The following PTRH1 variants were observed in gnomAD, a reference collection of about 807,000 sequenced individuals.
PTRH1 encodes the protein peptidyl-tRNA hydrolase 1 homolog, also known as peptidyl-tRNA hydrolase.
In PTRH1, 13 loss-of-function variants were observed where a neutral mutation model predicts 15.7. The ratio of observed to expected loss-of-function variants is 0.83; its 90% CI spans 0.54 to 1.31. The LOEUF (loss-of-function observed/expected upper bound fraction) is 1.31, where lower values mean the gene tolerates loss of function less well. Ranked by LOEUF, PTRH1 falls within the 40% of genes most tolerant of loss-of-function variation. The pLI is 0.00. For missense variants in PTRH1, 319 were observed against 296.2 expected, an observed-to-expected ratio of 1.08 and a Z score of -0.56; for synonymous variants, 139 against 136.7, an observed-to-expected ratio of 1.02 and a Z score of -0.12.
rs1355028003 is a variant in PTRH1 at position 127,715,235 on chromosome 9, G to A, written c.97-41C>T. On this transcript the variant is annotated intron_variant, in intron 1 of 4. Coordinates refer to ENST00000543175, the MANE Select transcript of PTRH1 (RefSeq NM_001002913.3). The surrounding 1 kb of genome is among the most constrained non-coding windows in gnomAD (Gnocchi z 5.8). ...GGGAAACTGAGGCCCAACAACTCTC[G>A]CCACCCCCGATCTCACAGCGTCCCG... 2 of 1,515,024 alleles carry A rather than the reference G, an allele frequency of 1.3e-6. No individual in the cohort carries two copies. Among genetic ancestry groups the A allele is most frequent in the Non-Finnish European group, 1.8e-6 (2 of 1,128,982 alleles). 93.8% of individuals were successfully genotyped at this position (1,515,024 alleles called of 1,614,324 possible). A position where few individuals can be genotyped will look rare whatever the true frequency, so the allele number is the denominator to read the frequency against.
chr9:127,715,307 G>T lies in PTRH1; in HGVS notation c.97-113C>A. 1.5e-6 allele frequency: 2 copies of T among 1,336,316 alleles called. No individual in the cohort carries two copies. The highest frequency in any genetic ancestry group is 2.5e-5 in the East Asian group (1 of 40,002). The allele number at this position is 1,336,316 out of a possible 1,614,324, so 82.8% of individuals were successfully genotyped here. On this transcript the variant is annotated intron_variant, in intron 1 of 4. Transcript: ENST00000543175. This position sits in a 1 kb window ranked among gnomAD's most constrained non-coding sequence, Gnocchi z 5.8. ...GGAAACGCAGAGCAACGCTGCAGTG[G>T]GGAAGGGGCGCGAAGAAGGGGCCCA...
chr9:127,697,664 CAAAAACA>C (rs1842572343), intron 1 of PTRH1, among the ~76,000 whole-genome samples: 1 of 152,022 alleles, frequency 6.6e-6, no homozygotes, highest in African/African-American at 2.4e-5. Flanking sequence ...CTGTCTCAAA[CAAAAACA>C]AAAAACAGCA....
chr9:127,714,247 C>T lies in PTRH1; in HGVS notation c.498G>A (p.Pro166=), dbSNP rs779880867. Residue 166 remains proline (P), a synonymous_variant, in exon 5 of 5, where the codon CCG becomes CCA. Transcript: ENST00000543175. ...MPRLRVGIGR[P]AHPEAVQAHV... is the part of the protein sequence containing the mutation. ...GGGCCTGAACCGCCTCAGGGTGCGC[C>T]GGGCGCCCGATACCCACCCGCAGCC... 33 of 1,613,942 alleles carry T rather than the reference C, an allele frequency of 2.0e-5. No homozygotes were observed. The South Asian group carries it at 3.2e-4, about 16-fold the overall frequency.
downstream of PTRH1, chr9:127,713,776 G>A: frequency 6.9e-7 from 1 of 1,455,112 alleles, no homozygotes; most frequent in Non-Finnish European, 9.6e-7. Flanking sequence ...CAAAGTGCTG[G>A]GATTATAGGT....
At chr9:127,713,755 CCT>C, downstream of PTRH1, 2 of 1,208,842 alleles carry the variant, frequency 1.7e-6, no homozygotes. Context: ...AATCCCCCAG[CCT>C]CGGCCTCCCA....
At chr9:127,706,183 C>A (rs1385179984) in intron 1 of PTRH1, among the ~76,000 whole-genome samples, 1 of 152,208 alleles carries the variant, frequency 6.6e-6, no homozygotes, top group Admixed American at 6.5e-5. Context: ...CCACTTTTGA[C>A]CAACCAATCA....
chr9:127,702,444 G>A (rs1157870242), intron 1 of PTRH1, among the ~76,000 whole-genome samples: 1 of 151,974 alleles, frequency 6.6e-6, no homozygotes, highest in Non-Finnish European at 1.5e-5. Flanking sequence ...AGGTGGGAGT[G>A]GGGAATCACT....
downstream of PTRH1, chr9:127,709,363 C>T: frequency 6.4e-7 from 1 of 1,563,316 alleles, no homozygotes; most frequent in South Asian, 1.2e-5. The surrounding 1 kb of genome is among the most constrained non-coding windows in gnomAD (Gnocchi z 4.7). Context: ...GGCCCAGCTG[C>T]ACCAGAGGCC....
At position 127,714,179 on chromosome 9, in the gene PTRH1, G is replaced by C; in HGVS notation, c.566C>G (p.Pro189Arg). The change falls in exon 5 of 5, where the codon CCT becomes CGT. Residue 189 changes from proline (P) to arginine (R), a missense_variant. Pro to Arg is a moderately radical substitution (Grantham distance 103, BLOSUM62 -2). Transcript: ENST00000543175. ...GTCGGTGGCTCGATCCAGCAACAGA[G>C]GCAGCAGCTCCTGCTCAGCAGGGGA... ...CFSPAEQELLPLLLDRATDLI... is the reference protein window; with the variant it reads ...CFSPAEQELLRLLLDRATDLI... The C allele has an allele frequency of 6.2e-7, 1 of 1,613,924 alleles. No individual in the cohort carries two copies. Among genetic ancestry groups the C allele is most frequent in the Non-Finnish European group, 8.5e-7 (1 of 1,180,008 alleles).
In PTRH1 at chr9:127,714,372, G is replaced by A. The variant is rs372698746; in HGVS notation, c.462+7C>T. 9 of 1,614,122 alleles carry A rather than the reference G, an allele frequency of 5.6e-6. No individual in the cohort carries two copies. Among genetic ancestry groups the A allele is most frequent in the African/African-American group, 2.7e-5 (2 of 74,944 alleles). Reference sequence around the variant, plus strand: ...GACCCAGTTGCACAACAAAAGGGTAGACTCACATTGGAGTTGAGGCAGCTA... The same window carrying A: ...GACCCAGTTGCACAACAAAAGGGTAAACTCACATTGGAGTTGAGGCAGCTA... On this transcript the variant is annotated splice_region_variant and intron_variant, in intron 4 of 4. Coordinates refer to ENST00000543175, the MANE Select transcript of PTRH1 (RefSeq NM_001002913.3).
exon 2 of PTRH1, chr9:127,695,074 A>ATGG: frequency 1.4e-6 from 1 of 702,288 alleles, no homozygotes; most frequent in South Asian, 1.5e-5. Flanking sequence ...GATGATGATG[A>ATGG]TGATGATGAT....
intron 1 of PTRH1, among the ~76,000 whole-genome samples, chr9:127,708,711 G>A (rs1842700550): frequency 6.6e-6 from 1 of 152,192 alleles, no homozygotes; most frequent in Non-Finnish European, 1.5e-5. Context: ...GTGGAGGAGA[G>A]GGACATGTTA....
downstream of PTRH1, chr9:127,709,725 G>A (rs1842720877): frequency 1.2e-6 from 2 of 1,601,814 alleles, no homozygotes; most frequent in Non-Finnish European, 1.7e-6. This position sits in a 1 kb window ranked among gnomAD's most constrained non-coding sequence, Gnocchi z 4.7. Context: ...GAGCCTGCAG[G>A]CACACATCCC....
chr9:127,697,315 C>A (rs148031933), intron 1 of PTRH1, among the ~76,000 whole-genome samples: 1 of 152,118 alleles, frequency 6.6e-6, no homozygotes, highest in Non-Finnish European at 1.5e-5. Flanking sequence ...ATCTGAGTTA[C>A]GCTCCTTGGA....
downstream of PTRH1, chr9:127,713,496 CTTTTTTTTTTTT>C (rs58502035): frequency 0.014 from 1,244 of 91,002 alleles, 13 homozygotes; most frequent in Non-Finnish European, 0.017. Context: ...CAGCATCTTT[CTTTTTTTTTTTT>C]TTTTTTTTTT....
chr9:127,710,282 CAA>C (rs60165824), downstream of PTRH1, among the ~76,000 whole-genome samples: 12 of 82,578 alleles, frequency 1.5e-4, no homozygotes, highest in Non-Finnish European at 1.7e-4. Flanking sequence ...GACCCTGTCT[CAA>C]AAAAAAAAAA....
chr9:127,712,342 T>C, downstream of PTRH1: 3 of 1,613,814 alleles, frequency 1.9e-6, no homozygotes, highest in Non-Finnish European at 2.5e-6. Flanking sequence ...CTACAGAACA[T>C]TCTGCAGGTG....
intron 1 of PTRH1, among the ~76,000 whole-genome samples, chr9:127,698,871 TC>T (rs1461626531): frequency 6.6e-6 from 1 of 151,066 alleles, no homozygotes; most frequent in African/African-American, 2.4e-5. Flanking sequence ...CCTGGAGCTG[TC>T]CCTGTCCCAG....
At chr9:127,706,739 C>A (rs77815567) in intron 1 of PTRH1, among the ~76,000 whole-genome samples, 6 of 152,348 alleles carry the variant, frequency 3.9e-5, no homozygotes, top group South Asian at 4.1e-4. Flanking sequence ...CCCACATGAA[C>A]TTTCCCCATG....
Sources: gnomAD v4.1 joint callset for allele counts (sites outside exome capture counted in the v4.1 genomes callset) on GRCh38, gnomAD v4.1.1 for gene constraint, Gnocchi (gnomAD v3.1) non-coding constraint, MANE v1.5 for transcripts, NCBI Gene and HGNC (gene_info 2026-07-23, HGNC 2026-07-21) for gene names.